TENT5D: variants seen among roughly 807,000 people sequenced by gnomAD.
TENT5D encodes terminal nucleotidyltransferase 5D, also known as cancer/testis antigen 112.
For synonymous variants in TENT5D, 103 were observed against 100.6 expected (o/e 1.02, Z -0.15); for missense variants, 191 against 287.0 (o/e 0.67, Z 2.42).
intron 3 of TENT5D, among the ~76,000 whole-genome samples, chrX:80,397,025 G>T (rs375473665): frequency 1.5e-3 from 148 of 96,032 alleles, no homozygotes; most frequent in Non-Finnish European, 2.6e-3. Flanking sequence ...TGGCCGGGGG[G>T]GGGGCTGACC....
At chrX:80,364,176 G>A (rs1930461511) in intron 3 of TENT5D, among the ~76,000 whole-genome samples, 1 of 111,437 alleles carries the variant, frequency 9.0e-6, no homozygotes, top group African/African-American at 3.3e-5. Flanking sequence ...AAACCCCACT[G>A]CCTACTTTAC....
chrX:80,364,721 T>C (rs1930473191), intron 3 of TENT5D, among the ~76,000 whole-genome samples: 1 of 109,653 alleles, frequency 9.1e-6, no homozygotes, highest in Non-Finnish European at 1.9e-5. Context: ...TATGTAGATA[T>C]ATAAAATATA....
At chrX:80,405,712 A>G (rs1331371648) in intron 3 of TENT5D, among the ~76,000 whole-genome samples, 1 of 94,419 alleles carries the variant, frequency 1.1e-5, no homozygotes, top group African/African-American at 4.5e-5. Context: ...TGCTTAGGTA[A>G]ACAAAGCAGC....
chrX:80,336,094 C>G (rs1360473004), intron 2 of TENT5D, among the ~76,000 whole-genome samples: 1 of 110,678 alleles, frequency 9.0e-6, no homozygotes, highest in Admixed American at 9.7e-5. Flanking sequence ...ATTCAAAACC[C>G]TTGGAAATTC....
intron 3 of TENT5D, among the ~76,000 whole-genome samples, chrX:80,381,130 A>T (rs1018151015): frequency 2.7e-5 from 3 of 111,867 alleles, no homozygotes; most frequent in African/African-American, 9.7e-5. Flanking sequence ...TGCTTCCTTC[A>T]GGAGCTCTTG....
intron 1 of TENT5D, among the ~76,000 whole-genome samples, chrX:80,436,383 A>C (rs80229258): frequency 0.13 from 14,438 of 110,631 alleles, 760 homozygotes; most frequent in South Asian, 0.38. Flanking sequence ...ATTTGTTTTC[A>C]ATCTCATTCT....
At chrX:80,382,712 C>CCG (rs1556064299) in intron 3 of TENT5D, among the ~76,000 whole-genome samples, 3 of 109,761 alleles carry the variant, frequency 2.7e-5, no homozygotes, top group East Asian at 5.8e-4. Context: ...ACGCCCCCCC[C>CCG]CCACTGCCAG....
intron 3 of TENT5D, among the ~76,000 whole-genome samples, chrX:80,368,348 CAGATGTCAATCATAGGA>C (rs1317817514): frequency 7.2e-5 from 8 of 111,511 alleles, no homozygotes; most frequent in African/African-American, 9.8e-5. Context: ...TAAGATGGCT[CAGATGTCAATCATAGGA>C]ACCTTTTATT....
intron 3 of TENT5D, among the ~76,000 whole-genome samples, chrX:80,380,982 T>G (rs1052639838): frequency 8.9e-6 from 1 of 112,064 alleles, no homozygotes; most frequent in African/African-American, 3.2e-5. Context: ...TTGTTATATG[T>G]GAATTGGATC....
chrX:80,413,562 A>G (rs1198224605), intron 3 of TENT5D, among the ~76,000 whole-genome samples: 2 of 111,591 alleles, frequency 1.8e-5, no homozygotes, highest in African/African-American at 6.5e-5. Flanking sequence ...TTCCCATGCT[A>G]TTCTTGTGAT....
chrX:80,404,027 A>C (rs1032162751), intron 3 of TENT5D, among the ~76,000 whole-genome samples: 2 of 111,569 alleles, frequency 1.8e-5, no homozygotes, highest in Non-Finnish European at 3.8e-5. Flanking sequence ...CCGGGTTAGA[A>C]ATAGGTAAGA....
chrX:80,422,370 G>C (rs1450326555), intron 1 of TENT5D, among the ~76,000 whole-genome samples: 1 of 111,862 alleles, frequency 8.9e-6, no homozygotes, highest in Non-Finnish European at 1.9e-5. Flanking sequence ...CTACTCGGGA[G>C]GCTGAGGCAG....
At chrX:80,402,393 T>A (rs1424124358) in intron 3 of TENT5D, among the ~76,000 whole-genome samples, 5 of 111,994 alleles carry the variant, frequency 4.5e-5, no homozygotes, top group Non-Finnish European at 5.6e-5. Context: ...TAGTTGTGAT[T>A]CCATTTATTT....
intron 3 of TENT5D, among the ~76,000 whole-genome samples, chrX:80,355,523 A>C (rs751563946): frequency 2.4e-4 from 27 of 111,853 alleles, no homozygotes; most frequent in Non-Finnish European, 4.9e-4. Context: ...TGGGCTCTGC[A>C]CAGGCTGGAA....
intron 1 of TENT5D, among the ~76,000 whole-genome samples, chrX:80,432,787 C>T (rs914246266): frequency 3.9e-4 from 43 of 110,882 alleles, no homozygotes; most frequent in African/African-American, 1.4e-3. Flanking sequence ...GAAGAAAGCT[C>T]TCTGCAGCAG....
chrX:80,379,619 A>G (rs1186550651), intron 3 of TENT5D, among the ~76,000 whole-genome samples: 1 of 111,363 alleles, frequency 9.0e-6, no homozygotes, highest in East Asian at 2.8e-4. Flanking sequence ...GCTATTAATT[A>G]TTGCCTCAGT....
chrX:80,413,184 T>C (rs900349134), intron 3 of TENT5D, among the ~76,000 whole-genome samples: 1 of 112,151 alleles, frequency 8.9e-6, no homozygotes, highest in Admixed American at 9.5e-5. Context: ...TTATTAAAGA[T>C]TTAGTTAAGC....
In TENT5D at chrX:80,392,549, G is replaced by A. The variant is rs1460575955; in HGVS notation, c.-141-46061G>A. ...TTTTGAGACGGAGTCTCGCTCTGTC[G>A]CCCAGGCCGGACTGCGGACTGCAGT... On this transcript the variant is annotated intron_variant, in intron 3 of 4. Transcript: ENST00000538312. 1.2e-4 allele frequency among the ~76,000 whole-genome samples: 8 copies of A among 68,739 alleles called. 1 individual carries two copies. The East Asian group carries it at 1.6e-3, about 14-fold the overall frequency. The allele number at this position is 68,739 out of a possible 115,157, so 59.7% of individuals were successfully genotyped here.
At chrX:80,380,086 G>T (rs1046280557) in intron 3 of TENT5D, among the ~76,000 whole-genome samples, 2 of 107,755 alleles carry the variant, frequency 1.9e-5, no homozygotes, top group Admixed American at 1.0e-4. Flanking sequence ...GCTTTCTCTT[G>T]TGGGCATTTA....
Sources: gnomAD v4.1 joint callset for allele counts (sites outside exome capture counted in the v4.1 genomes callset) on GRCh38, gnomAD v4.1.1 for gene constraint, MANE v1.5 for transcripts, NCBI Gene and HGNC (gene_info 2026-07-23, HGNC 2026-07-21) for gene names.